Variants in FCRL2 observed in about 807,000 individuals in gnomAD.
FCRL2 encodes Fc receptor-like protein 2.
FCRL2 carries 48 observed loss-of-function variants against 59.8 expected under a neutral mutation model. The ratio of observed to expected loss-of-function variants is 0.80; its 90% CI spans 0.64 to 1.02. The LOEUF is 1.02. Ranked by LOEUF, FCRL2 falls within the 50% of genes least tolerant of loss-of-function variation. The probability of loss-of-function intolerance (pLI) is 0.00; values close to 1 mark genes in which losing one functional copy is unlikely to be tolerated. For missense variants in FCRL2, 658 were observed against 597.3 expected (o/e 1.10, Z -1.06); for synonymous variants, 251 against 229.5 (o/e 1.09, Z -0.85).
Position 157,746,602 on chromosome 1 carries a change from G to A in FCRL2, c.*134C>T, listed in dbSNP as rs151150444. On this transcript the variant is annotated 3_prime_UTR_variant, in exon 12 of 12. Transcript: ENST00000361516. The stretch of plus-strand genomic sequence containing the variant: ...GAAGAAACATCATCAGGACAAAAAT[G>A]ACAGGAGGTGCCTCCTGAGGCACGT... 1.9e-5 allele frequency: 14 copies of A among 738,602 alleles called. No homozygotes were observed. In the East Asian group the frequency reaches 3.4e-4, roughly 18 times the overall value. The allele number at this position is 738,602 out of a possible 1,614,324, so 45.8% of individuals were successfully genotyped here.
At chr1:157,771,405 CA>C (rs1650010281) in intron 2 of FCRL2, among the ~76,000 whole-genome samples, 1 of 152,188 alleles carries the variant, frequency 6.6e-6, no homozygotes, top group South Asian at 2.1e-4. Flanking sequence ...CTTACCTCAC[CA>C]GATAAAACCA....
At chr1:157,768,833 T>G (rs1393765930) in intron 4 of FCRL2, 132 bp from the exon 5 acceptor site, 1 of 883,368 alleles carries the variant, frequency 1.1e-6, no homozygotes, top group African/African-American at 1.7e-5. Flanking sequence ...AGCATTCCTA[T>G]GGAGGTAGGG....
chr1:157,768,875 A>G (rs1368041332), intron 4 of FCRL2, 174 bp from the exon 5 acceptor site: 27 of 673,706 alleles, frequency 4.0e-5, no homozygotes, highest in Non-Finnish European at 6.3e-5. Flanking sequence ...AGGAATGTGG[A>G]TAAAGACATT....
At chr1:157,755,564 A>G (rs906912272) in intron 7 of FCRL2, among the ~76,000 whole-genome samples, 2 of 152,206 alleles carry the variant, frequency 1.3e-5, no homozygotes, top group African/African-American at 4.8e-5. Context: ...TCTAAAAGAA[A>G]AATTATCGTA....
At chr1:157,748,793 C>G in intron 9 of FCRL2, 82 bp downstream of exon 9, 1 of 1,359,440 alleles carries the variant, frequency 7.4e-7, no homozygotes, top group Non-Finnish European at 1.0e-6. Flanking sequence ...GGTGTCTACA[C>G]CACCCACCTA....
chr1:157,770,074 C>T lies in FCRL2; in HGVS notation c.387G>A (p.Glu129=), dbSNP rs2101750067. 2.5e-6 allele frequency: 4 copies of T among 1,614,186 alleles called. No individual in the cohort carries two copies. In the South Asian group the frequency reaches 4.4e-5, roughly 18 times the overall value. ...IEGGPVSLKC[E]TRLSPQRLDV... ...CCAACCTCTGTGGAGAGAGCCGGGT[C>T]TCACATTTCAGGCTCACTGGACCCC... The change falls in exon 4 of 12, where the codon GAG becomes GAA. Residue 129 remains glutamate (E), a synonymous_variant. Transcript: ENST00000361516.
intron 7 of FCRL2, among the ~76,000 whole-genome samples, chr1:157,760,190 C>G (rs1173867368): frequency 6.6e-6 from 1 of 152,158 alleles, no homozygotes; most frequent in African/African-American, 2.4e-5. Flanking sequence ...AACACAGGAA[C>G]AGAAAACCAA....
intron 1 of FCRL2, among the ~76,000 whole-genome samples, chr1:157,776,332 C>A (rs182484274): frequency 6.6e-6 from 1 of 152,114 alleles, no homozygotes; most frequent in Non-Finnish European, 1.5e-5. Flanking sequence ...TACAATGGTG[C>A]GATCTTGGCT....
intron 7 of FCRL2, among the ~76,000 whole-genome samples, chr1:157,752,109 C>T (rs1233547606): frequency 6.6e-6 from 1 of 152,214 alleles, no homozygotes; most frequent in Non-Finnish European, 1.5e-5. Context: ...TGAACAAGCG[C>T]TCTTTGGAGA....
intron 4 of FCRL2, chr1:157,769,497 G>A (rs141501130): frequency 0.013 from 2,309 of 183,948 alleles, 46 homozygotes; most frequent in African/African-American, 0.049. Context: ...GCGTGATCTC[G>A]GCTCACTGCA....
At chr1:157,759,057 C>T (rs546059200) in intron 7 of FCRL2, among the ~76,000 whole-genome samples, 12 of 152,250 alleles carry the variant, frequency 7.9e-5, no homozygotes, top group Non-Finnish European at 1.5e-4. Flanking sequence ...GGGAGGGACC[C>T]GGTGGGAGGT....
intron 7 of FCRL2, among the ~76,000 whole-genome samples, chr1:157,766,453 A>G (rs1445236894): frequency 6.6e-6 from 1 of 152,112 alleles, no homozygotes; most frequent in Non-Finnish European, 1.5e-5. Context: ...CCTGGGCAAC[A>G]GAGTGAGACT....
chr1:157,769,173 G>A (rs1401320111), intron 4 of FCRL2: 3 of 155,646 alleles, frequency 1.9e-5, no homozygotes, highest in African/African-American at 7.2e-5. Flanking sequence ...ATGCTACATT[G>A]CCTTCTAATA....
intron 7 of FCRL2, among the ~76,000 whole-genome samples, chr1:157,759,861 A>T (rs1383676975): frequency 6.6e-6 from 1 of 152,262 alleles, no homozygotes; most frequent in Non-Finnish European, 1.5e-5. Flanking sequence ...AAATTAGTTC[A>T]GCCACTGTGA....
Position 157,769,971 on chromosome 1 carries a change from T to C in FCRL2, c.490A>G (p.Ile164Val), listed in dbSNP as rs760281978. Residue 164 changes from isoleucine (I) to valine (V), a missense_variant, in exon 4 of 12, where the codon ATT becomes GTT. Transcript: ENST00000361516. ...GTGTCTTCACTCCACACGGCAGAAATCTGGAGCTCCGGAGAGCTGCTCCAG... is the reference window on the plus strand; with the variant it reads ...GTGTCTTCACTCCACACGGCAGAAACCTGGAGCTCCGGAGAGCTGCTCCAG... Reference protein sequence around the residue: ...SGWSSSPELQISAVWSEDTGS... With the variant: ...SGWSSSPELQVSAVWSEDTGS... 1.9e-6 allele frequency: 3 copies of C among 1,614,176 alleles called. No homozygotes were observed. The highest frequency in any genetic ancestry group is 2.5e-6 in the Non-Finnish European group (3 of 1,180,024).
At position 157,746,134 on chromosome 1, in the gene FCRL2, A is replaced by T. The variant is rs1647726414; in HGVS notation, c.*602T>A. 1 of 152,586 alleles carries T rather than the reference A, an allele frequency of 6.6e-6. No individual in the cohort carries two copies. Among genetic ancestry groups the T allele is most frequent in the South Asian group, 2.1e-4 (1 of 4,840 alleles). The allele number at this position is 152,586 out of a possible 1,614,324, so 9.5% of individuals were successfully genotyped here. A position where few individuals can be genotyped will look rare whatever the true frequency, so the allele number is the denominator to read the frequency against. On this transcript the variant is annotated 3_prime_UTR_variant, in exon 12 of 12. Transcript: ENST00000361516. ...AACACAAAAGCCCTAGACCAGATGG[A>T]TTCATAGCTGAATTCTACAAGATGC... is the stretch of plus-strand genomic sequence containing the variant.
At chr1:157,774,220 A>G (rs1650240659) in intron 2 of FCRL2, among the ~76,000 whole-genome samples, 1 of 152,202 alleles carries the variant, frequency 6.6e-6, no homozygotes, top group Non-Finnish European at 1.5e-5. Context: ...ATGGATGGGG[A>G]CAGAAAGACC....
At chr1:157,757,806 C>CA (rs1222660989) in intron 7 of FCRL2, among the ~76,000 whole-genome samples, 6 of 152,070 alleles carry the variant, frequency 3.9e-5, no homozygotes, top group African/African-American at 1.4e-4. Context: ...ACTAAAAATA[C>CA]AAAAAATTAG....
At chr1:157,753,960 C>T (rs777996521) in intron 7 of FCRL2, among the ~76,000 whole-genome samples, 15 of 152,042 alleles carry the variant, frequency 9.9e-5, no homozygotes, top group Non-Finnish European at 1.8e-4. Context: ...ATTATAAAGG[C>T]ATCACTTTAC....
Sources: gnomAD v4.1 joint callset for allele counts (sites outside exome capture counted in the v4.1 genomes callset) on GRCh38, gnomAD v4.1.1 for gene constraint, MANE v1.5 for transcripts, NCBI Gene and HGNC (gene_info 2026-07-23, HGNC 2026-07-21) for gene names.